CENPF: variants seen among roughly 807,000 people sequenced by gnomAD.
The protein encoded by CENPF is AH antigen.
A neutral mutation model predicts 307.3 loss-of-function variants in CENPF; 214 were observed. The observed-to-expected ratio is 0.70, with a 90% CI of 0.62 to 0.78. CENPF has a LOEUF of 0.78. Among genes scored for constraint, CENPF ranks in the 30% least tolerant of loss-of-function variants. CENPF has a pLI of 0.00. For missense variants in CENPF, 3,401 were observed against 3,483.9 expected (o/e 0.98, Z 0.60); for synonymous variants, 1,259 against 1,270.6 (o/e 0.99, Z 0.19).
chr1:214,607,680 C>G (rs1167316263), intron 1 of CENPF, among the ~76,000 whole-genome samples: 4 of 152,208 alleles, frequency 2.6e-5, no homozygotes, highest in Admixed American at 2.0e-4. Flanking sequence ...AGAGGCCCAC[C>G]CGGGTCTCCT....
chr1:214,634,508 C>T (rs780293307), intron 10 of CENPF, among the ~76,000 whole-genome samples: 3 of 152,204 alleles, frequency 2.0e-5, no homozygotes, highest in Non-Finnish European at 2.9e-5. Flanking sequence ...TGACTTTCCT[C>T]ATCTGCATAT....
chr1:214,640,938 T>C lies in CENPF; in HGVS notation c.2600T>C (p.Leu867Pro). The change falls in exon 12 of 20, where the codon CTC (leucine) becomes CCC (proline). Residue 867 changes from leucine (L) to proline (P), a missense_variant. Coordinates refer to ENST00000366955, the MANE Select transcript of CENPF (RefSeq NM_016343.4). ...ATCAAAGGAGAAATAGAAGAAAATC[T>C]CATGAAAGCAGAACAGATGCATCAA... is the stretch of plus-strand genomic sequence containing the variant. The part of the protein sequence containing the change: ...VQIKGEIEEN[L>P]MKAEQMHQSF... The C allele has an allele frequency of 6.2e-7, 1 of 1,609,568 alleles. No individual in the cohort carries two copies.
At position 214,640,135 on chromosome 1, in the gene CENPF, G is replaced by GCA; in HGVS notation, c.1797_1798insCA (p.Ser600GlnfsTer4). 1 of 1,581,946 alleles carries GCA rather than the reference G, an allele frequency of 6.3e-7. No homozygotes were observed. The highest frequency in any genetic ancestry group is 8.5e-7 in the Non-Finnish European group (1 of 1,171,186). ...CAGAGAAAGAGTCCAAAGCCTTGCT[G>GCA]AGTGCTTTAGAGTTAAAAAAGAAAG... On this transcript the variant is annotated frameshift_variant, in exon 12 of 20. Transcript: ENST00000366955. LOFTEE classifies it high-confidence loss of function.
rs1341449118 is a variant in CENPF, at chr1:214,640,941, T to C, written c.2603T>C (p.Met868Thr). The change falls in exon 12 of 20, where the codon ATG becomes ACG. Residue 868 changes from methionine (M) to threonine (T), a missense_variant. By Grantham distance (81) the Met-to-Thr change is moderately conservative (BLOSUM62 -1). Coordinates refer to ENST00000366955, the MANE Select transcript of CENPF (RefSeq NM_016343.4). ...QIKGEIEENL[M>T]KAEQMHQSFV... ...AAAGGAGAAATAGAAGAAAATCTCA[T>C]GAAAGCAGAACAGATGCATCAAAGT... 1.9e-6 allele frequency: 3 copies of C among 1,609,092 alleles called. No individual in the cohort carries two copies. Among genetic ancestry groups the C allele is most frequent in the East Asian group, 2.2e-5 (1 of 44,850 alleles).
intron 1 of CENPF, among the ~76,000 whole-genome samples, chr1:214,607,735 A>C (rs1417857154): frequency 6.6e-6 from 1 of 152,144 alleles, no homozygotes; most frequent in Non-Finnish European, 1.5e-5. Context: ...ACACCAGTGA[A>C]GGCCCCAGGC....
chr1:214,619,977 A>T (rs1210372818), intron 5 of CENPF, among the ~76,000 whole-genome samples: 2 of 152,174 alleles, frequency 1.3e-5, no homozygotes, highest in Non-Finnish European at 2.9e-5. Flanking sequence ...TTCTCTTGAC[A>T]TTGATTCCTA....
chr1:214,615,094 T>G, intron 3 of CENPF, 66 bp downstream of exon 3: 2 of 1,149,652 alleles, frequency 1.7e-6, no homozygotes, highest in Non-Finnish European at 2.4e-6. Context: ...CGTTTGTCTT[T>G]TCCTTTAACA....
In CENPF at chr1:214,632,543, G is replaced by A. The variant is rs781480290; in HGVS notation, c.1387G>A (p.Ala463Thr). ...LEEFKQKLCRAEQAFQASQIK... is the reference protein window; with the variant it reads ...LEEFKQKLCRTEQAFQASQIK... ...AGAGTTTAAGCAAAAGTTGTGCAGA[G>A]CTGAACAGGCGTTCCAGGCGAGTCA... The change falls in exon 10 of 20, where the codon GCT becomes ACT. Residue 463 changes from alanine to threonine, a missense_variant. By Grantham distance (58) the Ala-to-Thr change is moderately conservative. Coordinates refer to ENST00000366955, the MANE Select transcript of CENPF (RefSeq NM_016343.4). The A allele has an allele frequency of 1.9e-6, 3 of 1,614,146 alleles. No individual in the cohort carries two copies. The Admixed American group carries it at 5.0e-5, about 27-fold the overall frequency.
chr1:214,621,013 AT>A, intron 6 of CENPF, 67 bp downstream of exon 6: 1 of 1,454,848 alleles, frequency 6.9e-7, no homozygotes, highest in Non-Finnish European at 9.3e-7. Flanking sequence ...GATTTCAGAT[AT>A]TTTTAATCCC....
rs753447978 is a variant in CENPF at position 214,613,923 on chromosome 1, CT to C, written c.162+8del. ...GCAGAAGCAAAAACAGAAGGTACCCCTGAAGCTCTGGTATTTGTAGCTGTTC... is the reference window on the plus strand; with the variant it reads ...GCAGAAGCAAAAACAGAAGGTACCCCGAAGCTCTGGTATTTGTAGCTGTTC... On this transcript the variant is annotated splice_region_variant and intron_variant, in intron 2 of 19. Transcript: ENST00000366955. 2.5e-6 allele frequency: 4 copies of C among 1,602,974 alleles called. No individual in the cohort carries two copies. In the South Asian group the frequency reaches 4.5e-5, roughly 18 times the overall value.
chr1:214,615,912 A>C (rs967505452), intron 3 of CENPF, among the ~76,000 whole-genome samples: 22 of 152,068 alleles, frequency 1.4e-4, no homozygotes, highest in East Asian at 1.2e-3. Flanking sequence ...TCCTTATAGC[A>C]CATTTGGTTT....
rs774251336 is a variant in CENPF, at chr1:214,647,034, C to T, written c.7464C>T (p.Gly2488=). 3.7e-6 allele frequency: 6 copies of T among 1,613,856 alleles called. No homozygotes were observed. The highest frequency in any genetic ancestry group is 4.2e-6 in the Non-Finnish European group (5 of 1,179,992). ...LELEKAQLLQ[G]LDEAKNNYIV... ...TTGAGAAGGCTCAGTTGCTACAAGG[C>T]CTTGATGAGGCCAAAAATAATTATA... is the stretch of plus-strand genomic sequence containing the variant. Residue 2488 remains glycine, a synonymous_variant, in exon 13 of 20, where the codon GGC becomes GGT. Coordinates refer to ENST00000366955, the MANE Select transcript of CENPF (RefSeq NM_016343.4).
At position 214,641,715 on chromosome 1, in the gene CENPF, G is replaced by A. The variant is rs751531393; in HGVS notation, c.3377G>A (p.Gly1126Asp). The A allele has an allele frequency of 1.9e-6, 3 of 1,578,904 alleles. No homozygotes were observed. Among genetic ancestry groups the A allele is most frequent in the East Asian group, 4.5e-5 (2 of 44,452 alleles). The change falls in exon 12 of 20, where the codon GGT becomes GAT. Residue 1126 changes from glycine to aspartate, a missense_variant. Physicochemically the swap from Gly to Asp is moderately conservative, Grantham distance 94. Transcript: ENST00000366955. Reference protein sequence around the residue: ...DNQNNSKSEAGGLKQEIMTLK... With the variant: ...DNQNNSKSEADGLKQEIMTLK... ...CAAAACAATTCTAAGAGCGAGGCTG[G>A]TGGTTTAAAGCAAGAAATCATGACT...
chr1:214,605,988 C>A lies in CENPF; in HGVS notation c.-42+2667C>A, dbSNP rs112373976. On this transcript the variant is annotated intron_variant, in intron 1 of 19. Coordinates refer to ENST00000366955, the MANE Select transcript of CENPF (RefSeq NM_016343.4). ...GTGAGCGGCGAATGCAGCACCACCG[C>A]GGCACACTCGTAGCGCGAGGCCAGG... The A allele has an allele frequency of 1.9e-6, 3 of 1,596,986 alleles. No individual in the cohort carries two copies. In the African/African-American group the frequency reaches 4.0e-5, roughly 21 times the overall value.
chr1:214,646,212 T>G lies in CENPF; in HGVS notation c.6642T>G (p.Asn2214Lys), dbSNP rs565584032. The G allele has an allele frequency of 4.3e-6, 7 of 1,613,162 alleles. No homozygotes were observed. In the African/African-American group the frequency reaches 6.7e-5, roughly 15 times the overall value. The change falls in exon 13 of 20, where the codon AAT becomes AAG. Residue 2214 changes from asparagine to lysine, a missense_variant. Coordinates refer to ENST00000366955, the MANE Select transcript of CENPF (RefSeq NM_016343.4). The part of the protein sequence containing the change: ...DLVTLRSEKE[N>K]LTKQIQEKQG... Reference sequence around the variant, plus strand: ...TCACGTTAAGGTCTGAAAAAGAAAATCTGACAAAACAAATACAAGAAAAAC... The same window carrying G: ...TCACGTTAAGGTCTGAAAAAGAAAAGCTGACAAAACAAATACAAGAAAAAC...
chr1:214,632,689 G>C, intron 10 of CENPF, 87 bp downstream of exon 10: 3 of 1,489,384 alleles, frequency 2.0e-6, no homozygotes, highest in Non-Finnish European at 2.7e-6. Flanking sequence ...TTTGTCAGTT[G>C]CTTGTCATGA....
In CENPF at chr1:214,645,990, G is replaced by A. The variant is rs771829260; in HGVS notation, c.6420G>A (p.Glu2140=). Residue 2140 remains glutamate, a synonymous_variant, in exon 13 of 20, where the codon GAG becomes GAA. Transcript: ENST00000366955. ...ADEKKQLHIA[E]KLKEREREND... ...AAAAGAAGCAGCTGCACATCGCAGA[G>A]AAACTGAAAGAACGCGAGCGGGAGA... 2.5e-6 allele frequency: 4 copies of A among 1,614,102 alleles called. No homozygotes were observed. Among genetic ancestry groups the A allele is most frequent in the Non-Finnish European group, 3.4e-6 (4 of 1,180,028 alleles).
intron 15 of CENPF, among the ~76,000 whole-genome samples, 171 bp from the exon 16 acceptor site, chr1:214,652,657 A>C (rs902921548): frequency 2.0e-5 from 3 of 151,486 alleles, no homozygotes; most frequent in South Asian, 2.1e-4. Flanking sequence ...GTTGGCCAGG[A>C]TGGCCTTGAA....
At chr1:214,617,748 G>A (rs1657399213) in intron 3 of CENPF, among the ~76,000 whole-genome samples, 1 of 152,122 alleles carries the variant, frequency 6.6e-6, no homozygotes, top group Non-Finnish European at 1.5e-5. Context: ...CCTAAGTAAT[G>A]TCATCTATTC....
Sources: gnomAD v4.1 joint callset for allele counts (sites outside exome capture counted in the v4.1 genomes callset) on GRCh38, gnomAD v4.1.1 for gene constraint, MANE v1.5 for transcripts, NCBI Gene and HGNC (gene_info 2026-07-23, HGNC 2026-07-21) for gene names.